Variants in SCAF11 observed in about 807,000 individuals in gnomAD.
SCAF11 encodes protein SCAF11.
SCAF11 carries 47 observed loss-of-function variants against 140.5 expected under a neutral mutation model. The observed-to-expected ratio is 0.33, with a 90% CI of 0.26 to 0.43. The LOEUF (loss-of-function observed/expected upper bound fraction) is 0.43, where lower values mean the gene tolerates loss of function less well. Ranked by LOEUF, SCAF11 falls within the 20% of genes least tolerant of loss-of-function variation. SCAF11 has a pLI of 1.00. For missense variants in SCAF11, 1,645 were observed against 1,705.1 expected (o/e 0.96, Z 0.62); for synonymous variants, 557 against 579.4 (o/e 0.96, Z 0.55).
intron 1 of SCAF11, among the ~76,000 whole-genome samples, chr12:45,984,699 T>C (rs1034873377): frequency 2.7e-5 from 4 of 150,910 alleles, no homozygotes; most frequent in African/African-American, 4.9e-5. Flanking sequence ...CACTTCCTTT[T>C]TTTTTTTTTT....
chr12:45,956,781 G>A (rs1945700296), intron 3 of SCAF11, among the ~76,000 whole-genome samples: 1 of 152,162 alleles, frequency 6.6e-6, no homozygotes, highest in African/African-American at 2.4e-5. Flanking sequence ...TACCCATACA[G>A]ATCATTTTAC....
At chr12:45,985,656 TG>T (rs773212780) in intron 1 of SCAF11, among the ~76,000 whole-genome samples, 8 of 152,192 alleles carry the variant, frequency 5.3e-5, no homozygotes, top group Non-Finnish European at 1.2e-4. Context: ...CAAATGAAAA[TG>T]TATGTAAAAT....
chr12:45,945,402 G>T (rs1179636620), intron 5 of SCAF11, 89 bp from the exon 6 acceptor site: 3 of 769,998 alleles, frequency 3.9e-6, no homozygotes, highest in Non-Finnish European at 6.5e-6. Context: ...CCATCAAAAT[G>T]AAATCTATCA....
At chr12:45,948,112 G>A (rs1945468113) in intron 5 of SCAF11, among the ~76,000 whole-genome samples, 1 of 152,068 alleles carries the variant, frequency 6.6e-6, no homozygotes, top group Admixed American at 6.6e-5. Context: ...AGAGACAGAG[G>A]AGGGGAGGAC....
At chr12:45,940,392 G>A (rs1945268348) in intron 6 of SCAF11, among the ~76,000 whole-genome samples, 1 of 152,150 alleles carries the variant, frequency 6.6e-6, no homozygotes, top group Non-Finnish European at 1.5e-5. Context: ...CAGTTACAAA[G>A]GTTGCAGACA....
chr12:45,961,699 C>A lies in SCAF11; in HGVS notation c.219+1G>T, dbSNP rs1322105939. 1 of 1,608,764 alleles carries A rather than the reference C, an allele frequency of 6.2e-7. No individual in the cohort carries two copies. The highest frequency in any genetic ancestry group is 8.5e-7 in the Non-Finnish European group (1 of 1,177,508). The stretch of plus-strand genomic sequence containing the variant: ...AAAATACATTAATGTGTCAGACTTA[C>A]CTCTGCCCATTTAAGAATACAAGTC... On this transcript the variant is annotated splice_donor_variant, in intron 3 of 14. Coordinates refer to ENST00000369367, the MANE Select transcript of SCAF11 (RefSeq NM_004719.3). LOFTEE classifies it high-confidence loss of function.
At chr12:45,987,319 G>A (rs1485686081) in intron 1 of SCAF11, among the ~76,000 whole-genome samples, 3 of 152,194 alleles carry the variant, frequency 2.0e-5, no homozygotes, top group Admixed American at 6.5e-5. Flanking sequence ...TAAGTAACTT[G>A]GCAGTTTATG....
chr12:45,948,567 A>G, intron 4 of SCAF11, 30 bp from the exon 5 acceptor site: 1 of 1,321,260 alleles, frequency 7.6e-7, no homozygotes, highest in Non-Finnish European at 1.1e-6. Context: ...AATTTAGAGC[A>G]ACAATCCAGC....
At chr12:45,933,109 G>T (rs753696205) in intron 9 of SCAF11, 22 bp downstream of exon 9, 4 of 1,506,698 alleles carry the variant, frequency 2.7e-6, no homozygotes, top group Non-Finnish European at 3.7e-6. Flanking sequence ...AAACACCTGA[G>T]TAAATAATTT....
In SCAF11 at chr12:45,928,195, A is replaced by T. The variant is rs1252250092; in HGVS notation, c.1506T>A (p.Ala502=). The part of the protein sequence containing the change: ...VKKLENTGIE[A]NVLCLESEIS... ...TCTCACTTTCCAAACACAAAACATTAGCCTCTATACCTGTATTCTCGAGTT... is the reference window on the plus strand; with the variant it reads ...TCTCACTTTCCAAACACAAAACATTTGCCTCTATACCTGTATTCTCGAGTT... Residue 502 remains alanine (A), a synonymous_variant, in exon 11 of 15, where the codon GCT becomes GCA. Transcript: ENST00000369367. The T allele has an allele frequency of 3.1e-6, 5 of 1,613,838 alleles. No homozygotes were observed. The highest frequency in any genetic ancestry group is 4.2e-6 in the Non-Finnish European group (5 of 1,180,006).
intron 6 of SCAF11, among the ~76,000 whole-genome samples, chr12:45,938,437 T>C (rs915658892): frequency 6.6e-6 from 1 of 152,120 alleles, no homozygotes. Context: ...TGCAGTAAGC[T>C]GAGATTGTGT....
chr12:45,938,785 C>T (rs1421724567), intron 6 of SCAF11, among the ~76,000 whole-genome samples: 1 of 149,504 alleles, frequency 6.7e-6, no homozygotes, highest in Admixed American at 6.7e-5. Context: ...TAAAGTCTGA[C>T]TAATTGATTC....
At position 45,925,062 on chromosome 12, in the gene SCAF11, T is replaced by A. The variant is rs767272602; in HGVS notation, c.3572A>T (p.Lys1191Ile). ...EETSGQDSSLKDQTNQQVDGS... is the reference protein window; with the variant it reads ...EETSGQDSSLIDQTNQQVDGS... ...ATCAACTTGCTGGTTTGTTTGGTCT[T>A]TTAGGCTAGAATCTATCAAAAGAAA... The change falls in exon 12 of 15, where the codon AAA becomes ATA. Residue 1191 changes from lysine to isoleucine, a missense_variant. Lys to Ile is a moderately radical substitution (Grantham distance 102). Transcript: ENST00000369367. 3.1e-6 allele frequency: 5 copies of A among 1,611,808 alleles called. No individual in the cohort carries two copies. In the South Asian group the frequency reaches 5.5e-5, roughly 18 times the overall value.
intron 3 of SCAF11, chr12:45,954,733 C>CTTTTTTTTTTT (rs759746881): frequency 2.1e-5 from 2 of 93,898 alleles, no homozygotes; most frequent in African/African-American, 9.7e-5. Flanking sequence ...CCGTGCCTAG[C>CTTTTTTTTTTT]TTTTTTTTTT....
chr12:45,970,300 G>A (rs369934721), intron 1 of SCAF11, among the ~76,000 whole-genome samples: 27 of 152,290 alleles, frequency 1.8e-4, no homozygotes, highest in African/African-American at 2.4e-4. Flanking sequence ...CTAAAATGCC[G>A]GGATTACAAG....
intron 6 of SCAF11, among the ~76,000 whole-genome samples, chr12:45,939,505 G>A (rs575496840): frequency 2.6e-5 from 4 of 152,286 alleles, no homozygotes; most frequent in Admixed American, 6.5e-5. Context: ...AGACCAGCCT[G>A]ACCAACATGG....
At chr12:45,938,736 G>T (rs958523295) in intron 6 of SCAF11, among the ~76,000 whole-genome samples, 1 of 150,860 alleles carries the variant, frequency 6.6e-6, no homozygotes, top group Non-Finnish European at 1.5e-5. Flanking sequence ...TATAATAAAG[G>T]CTCTGAGCTT....
chr12:45,968,792 A>C (rs1444176422), intron 1 of SCAF11, among the ~76,000 whole-genome samples: 3 of 152,132 alleles, frequency 2.0e-5, no homozygotes, highest in Non-Finnish European at 4.4e-5. Context: ...AATACAAAAA[A>C]TTAGCCGGGC....
chr12:45,982,394 C>A (rs547366606), intron 1 of SCAF11, among the ~76,000 whole-genome samples: 1 of 152,062 alleles, frequency 6.6e-6, no homozygotes, highest in African/African-American at 2.4e-5. Context: ...TAGTGCTATA[C>A]GTATATTTAC....
Sources: allele counts gnomAD v4.1 joint callset (sites outside exome capture counted in the v4.1 genomes callset), GRCh38; gene constraint gnomAD v4.1.1; transcripts MANE v1.5; gene names NCBI Gene and HGNC (gene_info 2026-07-23, HGNC 2026-07-21).